Variants in KIF26B observed in about 807,000 individuals in gnomAD.
The protein encoded by KIF26B is kinesin-like protein KIF26B.
KIF26B carries 63 observed loss-of-function variants against 151.2 expected under a neutral mutation model. That is an observed-to-expected ratio of 0.42 (90% CI 0.34 to 0.51). The LOEUF is 0.51. Ranked by LOEUF, KIF26B falls within the 20% of genes least tolerant of loss-of-function variation. The pLI is 0.07. For synonymous variants in KIF26B, 1,357 were observed against 1,262.1 expected (o/e 1.08, Z -1.59); for missense variants, 2,813 against 2,913.6 (o/e 0.97, Z 0.79).
intron 4 of KIF26B, among the ~76,000 whole-genome samples, chr1:245,514,454 A>G (rs1189491492): frequency 2.0e-5 from 3 of 152,070 alleles, no homozygotes; most frequent in Non-Finnish European, 4.4e-5. Flanking sequence ...GCTTGAACCC[A>G]GAAGGAAGAA....
At chr1:245,682,704 C>A (rs535434529) in intron 10 of KIF26B, among the ~76,000 whole-genome samples, 3 of 143,832 alleles carry the variant, frequency 2.1e-5, no homozygotes, top group Non-Finnish European at 4.5e-5. Context: ...TCATGTAAGA[C>A]CTGACTGTAT....
chr1:245,539,760 C>G (rs1168858171), intron 4 of KIF26B, among the ~76,000 whole-genome samples: 1 of 152,180 alleles, frequency 6.6e-6, no homozygotes, highest in Non-Finnish European at 1.5e-5. Context: ...TCAAGCGATC[C>G]TCCTGCCTCA....
chr1:245,701,217 TTGAAGA>T (rs2044767575), intron 14 of KIF26B, among the ~76,000 whole-genome samples: 1 of 152,224 alleles, frequency 6.6e-6, no homozygotes, highest in Admixed American at 6.5e-5. Flanking sequence ...ATATTGTTTC[TTGAAGA>T]TGAATTGAAA....
At chr1:245,229,461 A>G (rs1669947177) in intron 2 of KIF26B, among the ~76,000 whole-genome samples, 1 of 152,186 alleles carries the variant, frequency 6.6e-6, no homozygotes, top group Admixed American at 6.5e-5. Context: ...AGGAGCCGTG[A>G]CTTACTAACT....
At chr1:245,549,787 C>CTT (rs35606217) in intron 5 of KIF26B, among the ~76,000 whole-genome samples, 4,684 of 148,458 alleles carry the variant, frequency 0.032, 89 homozygotes, top group South Asian at 0.047. Context: ...CCGATACATT[C>CTT]TTTTTTTTTT....
rs1216631685 is a variant in KIF26B at position 245,540,318 on chromosome 1, G to A, written c.1167-449G>A. ...GCCCTGTACATAGCATGCCTTGACT[G>A]GTCTCCACATCGTTCTTCATCAGAC... is the stretch of plus-strand genomic sequence containing the variant. On this transcript the variant is annotated intron_variant, in intron 4 of 14. Transcript: ENST00000407071. The surrounding 1 kb of genome is among the most constrained non-coding windows in gnomAD (Gnocchi z 4.6). Among the ~76,000 whole-genome samples, 3 of 152,122 alleles carry A rather than the reference G, an allele frequency of 2.0e-5. No individual in the cohort carries two copies. The highest frequency in any genetic ancestry group is 7.2e-5 in the African/African-American group (3 of 41,426).
intron 12 of KIF26B, among the ~76,000 whole-genome samples, chr1:245,696,867 T>TG (rs2044701924): frequency 6.6e-6 from 1 of 152,174 alleles, no homozygotes; most frequent in Non-Finnish European, 1.5e-5. Context: ...CCCAACACTT[T>TG]GGGAGGCTGA....
intron 2 of KIF26B, among the ~76,000 whole-genome samples, chr1:245,295,687 C>G (rs1034969630): frequency 6.6e-6 from 1 of 152,192 alleles, no homozygotes; most frequent in Admixed American, 6.5e-5. Context: ...ATTCTGTTTA[C>G]TATTTTCTTA....
At chr1:245,543,350 T>C (rs575024934) in intron 5 of KIF26B, among the ~76,000 whole-genome samples, 66 of 152,350 alleles carry the variant, frequency 4.3e-4, no homozygotes, top group African/African-American at 1.6e-3. Flanking sequence ...GGCCTTACAA[T>C]GAGGAGTTAT....
rs1668415385 is a variant in KIF26B, at chr1:245,155,586, C to T, written c.63+99C>T. 5 of 1,121,624 alleles carry T rather than the reference C, an allele frequency of 4.5e-6. No homozygotes were observed. The South Asian group carries it at 6.1e-5, about 14-fold the overall frequency. 69.5% of individuals were successfully genotyped at this position (1,121,624 alleles called of 1,614,324 possible). A position where few individuals can be genotyped will look rare whatever the true frequency, so the allele number is the denominator to read the frequency against. Reference sequence around the variant, plus strand: ...CGTGCGGCCCCGGCCCCGAGCTCTCCCCCGCTGCAGAGGCGCCCCCGGGGC... The same window carrying T: ...CGTGCGGCCCCGGCCCCGAGCTCTCTCCCGCTGCAGAGGCGCCCCCGGGGC... On this transcript the variant is annotated intron_variant, in intron 1 of 14. Coordinates refer to ENST00000407071, the MANE Select transcript of KIF26B (RefSeq NM_018012.4).
intron 4 of KIF26B, among the ~76,000 whole-genome samples, chr1:245,506,306 T>C (rs1238645129): frequency 1.3e-5 from 2 of 152,198 alleles, no homozygotes; most frequent in African/African-American, 4.8e-5. Context: ...TTCATTTAAC[T>C]GAAAACTTTT....
chr1:245,700,736 A>C (rs2147970364), intron 14 of KIF26B, among the ~76,000 whole-genome samples: 1 of 152,296 alleles, frequency 6.6e-6, no homozygotes, highest in South Asian at 2.1e-4. Flanking sequence ...GCAAAGAAAG[A>C]CATGAACTAG....
At chr1:245,440,735 G>A (rs72761184) in intron 4 of KIF26B, among the ~76,000 whole-genome samples, 15,883 of 152,190 alleles carry the variant, frequency 0.1, 841 homozygotes, top group South Asian at 0.17. Context: ...TTTTTAAAGC[G>A]GTCCGTTATT....
intron 12 of KIF26B, among the ~76,000 whole-genome samples, chr1:245,692,422 G>A (rs2044637754): frequency 6.6e-6 from 1 of 152,222 alleles, no homozygotes; most frequent in African/African-American, 2.4e-5. Flanking sequence ...GCAGAGAAAT[G>A]TCGGGATTGA....
At position 245,227,990 on chromosome 1, in the gene KIF26B, G is replaced by A. The variant is rs1669911111; in HGVS notation, c.465+71307G>A. Among the ~76,000 whole-genome samples the A allele has an allele frequency of 2.0e-5, 3 of 151,716 alleles. No individual in the cohort carries two copies. The highest frequency in any genetic ancestry group is 6.6e-5 in the Admixed American group (1 of 15,248). On this transcript the variant is annotated intron_variant, in intron 2 of 14. Coordinates refer to ENST00000407071, the MANE Select transcript of KIF26B (RefSeq NM_018012.4). This position sits in a 1 kb window ranked among gnomAD's most constrained non-coding sequence, Gnocchi z 4.1. ...GCACTCCAGCCTGGGCAACAAGAGCGAAACTCTGTCTCAAAACAAAACAAA... is the reference window on the plus strand; with the variant it reads ...GCACTCCAGCCTGGGCAACAAGAGCAAAACTCTGTCTCAAAACAAAACAAA...
chr1:245,701,568 C>T (rs981324664), intron 14 of KIF26B, among the ~76,000 whole-genome samples: 1 of 152,166 alleles, frequency 6.6e-6, no homozygotes, highest in Non-Finnish European at 1.5e-5. Context: ...CAGACAGCGG[C>T]CACTCTAAGC....
chr1:245,360,539 T>C (rs1672796494), intron 2 of KIF26B, among the ~76,000 whole-genome samples: 1 of 152,234 alleles, frequency 6.6e-6, no homozygotes, highest in Non-Finnish European at 1.5e-5. Context: ...TAAGTATGAT[T>C]ATTGACTCCC....
At chr1:245,645,091 C>T (rs917125865) in intron 9 of KIF26B, among the ~76,000 whole-genome samples, 1 of 152,150 alleles carries the variant, frequency 6.6e-6, no homozygotes, top group Non-Finnish European at 1.5e-5. Flanking sequence ...CACTCATTAC[C>T]ATGGGAAGGG....
Position 245,155,071 on chromosome 1 carries a change from A to C in KIF26B, c.-354A>C. On this transcript the variant is annotated 5_prime_UTR_variant, in exon 1 of 15. Coordinates refer to ENST00000407071, the MANE Select transcript of KIF26B (RefSeq NM_018012.4). ...TTCCCGGCAGCGGCCGCGAGCCCTG[A>C]TTGTATCCCTCGCTTTCCTCGTGGG... 4.3e-6 allele frequency: 2 copies of C among 470,436 alleles called. No individual in the cohort carries two copies. Among genetic ancestry groups the C allele is most frequent in the South Asian group, 4.7e-5 (1 of 21,350 alleles). The allele number at this position is 470,436 out of a possible 1,614,324, so 29.1% of individuals were successfully genotyped here. A position where few individuals can be genotyped will look rare whatever the true frequency, so the allele number is the denominator to read the frequency against.
Sources: gnomAD v4.1 joint callset for allele counts (sites outside exome capture counted in the v4.1 genomes callset) on GRCh38, gnomAD v4.1.1 for gene constraint, Gnocchi (gnomAD v3.1) non-coding constraint, MANE v1.5 for transcripts, NCBI Gene and HGNC (gene_info 2026-07-23, HGNC 2026-07-21) for gene names.